Variants in COL14A1 observed in about 807,000 individuals in gnomAD.
COL14A1 encodes collagen type XIV alpha 1 chain, also known as collagen alpha-1(XIV) chain.
In COL14A1, 136 loss-of-function variants were observed where a neutral mutation model predicts 230.3. That is an observed-to-expected ratio of 0.59 (90% CI 0.51 to 0.68). The LOEUF (loss-of-function observed/expected upper bound fraction) is 0.68. Among genes scored for constraint, COL14A1 ranks in the 30% least tolerant of loss-of-function variants. COL14A1 has a pLI of 0.00. For missense variants in COL14A1, 1,976 were observed against 2,215.8 expected (o/e 0.89, Z 2.17); for synonymous variants, 792 against 784.1 (o/e 1.01, Z -0.17).
At chr8:120,306,216 T>G (rs1023874171) in intron 36 of COL14A1, among the ~76,000 whole-genome samples, 1 of 152,116 alleles carries the variant, frequency 6.6e-6, no homozygotes, top group African/African-American at 2.4e-5. Flanking sequence ...TAATACATGT[T>G]TATAGCAGGA....
At chr8:120,294,160 G>GA (rs35142937) in intron 34 of COL14A1, among the ~76,000 whole-genome samples, 4 of 150,508 alleles carry the variant, frequency 2.7e-5, no homozygotes, top group Non-Finnish European at 4.5e-5. Flanking sequence ...AAACATGTTA[G>GA]AAAAAAAAAT....
At chr8:120,271,826 G>A (rs925897401) in intron 26 of COL14A1, among the ~76,000 whole-genome samples, 4 of 151,408 alleles carry the variant, frequency 2.6e-5, no homozygotes, top group Non-Finnish European at 5.9e-5. Context: ...GGAAGTCACT[G>A]GAAGGTTTTA....
At chr8:120,167,027 G>A (rs1586732262) in intron 4 of COL14A1, among the ~76,000 whole-genome samples, 1 of 151,568 alleles carries the variant, frequency 6.6e-6, no homozygotes, top group East Asian at 1.9e-4. Context: ...TACATATCAG[G>A]ATCAAGGTAT....
chr8:120,126,662 G>A (rs1393502841), intron 1 of COL14A1, among the ~76,000 whole-genome samples: 1 of 152,214 alleles, frequency 6.6e-6, no homozygotes, highest in Non-Finnish European at 1.5e-5. Flanking sequence ...AATACTTGCA[G>A]TAGGTGATAG....
chr8:120,298,285 A>G (rs1820589727), intron 35 of COL14A1, among the ~76,000 whole-genome samples: 1 of 151,872 alleles, frequency 6.6e-6, no homozygotes, highest in Admixed American at 6.6e-5. Flanking sequence ...GGTGCTGAAT[A>G]TTGCTGTACT....
At chr8:120,310,652 T>A (rs2198748) in intron 37 of COL14A1, among the ~76,000 whole-genome samples, 78,779 of 152,052 alleles carry the variant, frequency 0.52, 22,034 homozygotes, top group African/African-American at 0.75. Flanking sequence ...AGAAGCCCAG[T>A]CACTAATGGA....
chr8:120,141,223 T>C (rs550592400), intron 1 of COL14A1, among the ~76,000 whole-genome samples: 1 of 152,248 alleles, frequency 6.6e-6, no homozygotes. Context: ...GTATTGCTCA[T>C]CCTAACTTAA....
intron 12 of COL14A1, among the ~76,000 whole-genome samples, chr8:120,211,067 G>A (rs1041159155): frequency 9.2e-5 from 14 of 152,152 alleles, no homozygotes; most frequent in South Asian, 2.1e-4. Flanking sequence ...GAAAAGAATC[G>A]CTCCTGTAAC....
At chr8:120,320,895 C>T (rs1656309471) in intron 40 of COL14A1, among the ~76,000 whole-genome samples, 1 of 152,244 alleles carries the variant, frequency 6.6e-6, no homozygotes, top group South Asian at 2.1e-4. Context: ...TTCTCTAGTC[C>T]TCAGAATAAC....
At chr8:120,323,716 C>A (rs1172025425) in intron 40 of COL14A1, among the ~76,000 whole-genome samples, 1 of 152,058 alleles carries the variant, frequency 6.6e-6, no homozygotes, top group Non-Finnish European at 1.5e-5. Context: ...TCTCAAAGGT[C>A]AGATAGTTGT....
At chr8:120,151,845 A>G (rs1016844109) in intron 2 of COL14A1, among the ~76,000 whole-genome samples, 3 of 152,100 alleles carry the variant, frequency 2.0e-5, no homozygotes, top group Non-Finnish European at 2.9e-5. Flanking sequence ...TGTAACTGCA[A>G]AAAGTTTTAA....
chr8:120,174,911 C>CTCCAA (rs1482812774), intron 5 of COL14A1, among the ~76,000 whole-genome samples: 2 of 152,124 alleles, frequency 1.3e-5, no homozygotes, highest in African/African-American at 4.8e-5. Flanking sequence ...GATGCCCCTG[C>CTCCAA]TCCACCCCAA....
At chr8:120,200,292 G>A (rs569847587) in intron 8 of COL14A1, among the ~76,000 whole-genome samples, 18 of 152,068 alleles carry the variant, frequency 1.2e-4, no homozygotes, top group Middle Eastern at 3.4e-3. Context: ...TGGTTATCAT[G>A]AAGGGTCCCT....
chr8:120,305,040 A>G (rs1037125510), intron 36 of COL14A1, among the ~76,000 whole-genome samples: 4 of 150,212 alleles, frequency 2.7e-5, no homozygotes, highest in Admixed American at 1.3e-4. Context: ...GTGCAATGGC[A>G]CAATCTCGGC....
chr8:120,196,741 G>C (rs775552371), intron 5 of COL14A1, 50 bp from the exon 6 acceptor site: 58 of 1,578,284 alleles, frequency 3.7e-5, no homozygotes, highest in Non-Finnish European at 4.9e-5. Context: ...GACTGTTTTT[G>C]AAGTTGCTCT....
At chr8:120,216,767 G>A (rs1817763985) in intron 14 of COL14A1, among the ~76,000 whole-genome samples, 1 of 152,138 alleles carries the variant, frequency 6.6e-6, no homozygotes, top group East Asian at 1.9e-4. Flanking sequence ...TGGGGAGCCT[G>A]GAACAGCTGG....
At position 120,158,195 on chromosome 8, in the gene COL14A1, G is replaced by C. The variant is rs756367159; in HGVS notation, c.154G>C (p.Ala52Pro). ...TGACAGTATACAGATTTCATGGAAGGCTCCAAGAGGGAAATTTGGTGGTTA... is the reference window on the plus strand; with the variant it reads ...TGACAGTATACAGATTTCATGGAAGCCTCCAAGAGGGAAATTTGGTGGTTA... ...SHDSIQISWK[A>P]PRGKFGGYKL... Residue 52 changes from alanine to proline, a missense_variant, in exon 3 of 48, where the codon GCT (alanine) becomes CCT (proline). Transcript: ENST00000297848. The C allele has an allele frequency of 5.6e-6, 9 of 1,610,596 alleles. No homozygotes were observed. In the South Asian group the frequency reaches 6.6e-5, roughly 12 times the overall value.
chr8:120,128,228 CGTGTGTGT>C (rs33988612), intron 1 of COL14A1, among the ~76,000 whole-genome samples: 8,076 of 146,712 alleles, frequency 0.055, 523 homozygotes, highest in African/African-American at 0.15. Context: ...TGTGCGCGCG[CGTGTGTGT>C]GTGTGTGTGT....
chr8:120,279,788 C>A, intron 28 of COL14A1, 147 bp from the exon 29 acceptor site: 1 of 737,330 alleles, frequency 1.4e-6, no homozygotes, highest in Non-Finnish European at 2.1e-6. Flanking sequence ...ACATGCAGAA[C>A]TCTGATGAAC....
Sources: gnomAD v4.1 joint callset for allele counts (sites outside exome capture counted in the v4.1 genomes callset) on GRCh38, gnomAD v4.1.1 for gene constraint, MANE v1.5 for transcripts, NCBI Gene and HGNC (gene_info 2026-07-23, HGNC 2026-07-21) for gene names.